Variants in C12orf43 observed in about 807,000 individuals in gnomAD.
C12orf43 encodes the protein chromosome 12 open reading frame 43, also known as protein CUSTOS.
A neutral mutation model predicts 20.6 loss-of-function variants in C12orf43; 15 were observed. The observed-to-expected ratio is 0.73, with a 90% CI of 0.49 to 1.12. C12orf43 has a LOEUF of 1.12. Ranked by LOEUF, C12orf43 falls within the 50% of genes most tolerant of loss-of-function variation. C12orf43 has a pLI of 0.00. For synonymous variants in C12orf43, 144 were observed against 130.8 expected (o/e 1.10, Z -0.69); for missense variants, 334 against 344.4 (o/e 0.97, Z 0.24).
intron 4 of C12orf43, 97 bp downstream of exon 4, chr12:121,006,215 CAAAAAAAGA>C (rs1878002372): frequency 6.4e-6 from 6 of 938,416 alleles, no homozygotes; most frequent in South Asian, 1.6e-5. Flanking sequence ...GTTCCTATCT[CAAAAAAAGA>C]AAAAAAAAAA....
At chr12:121,010,592 C>T (rs2264779) in intron 3 of C12orf43, among the ~76,000 whole-genome samples, 90,078 of 151,988 alleles carry the variant, frequency 0.59, 27,967 homozygotes, top group East Asian at 0.87. Flanking sequence ...ATGGTAGCTG[C>T]GATGATGATG....
At position 121,000,924 on chromosome 12, in the gene C12orf43, G is replaced by A. The variant is rs887416848; in HGVS notation, c.*3229C>T. ...TCCCTTTGAAGAACCGAGGGTAGAG[G>A]TGTGACTTTGGGGTTCCTGTTATCT... On this transcript the variant is annotated 3_prime_UTR_variant, in exon 6 of 6. Transcript: ENST00000288757. 3.4e-6 allele frequency: 4 copies of A among 1,182,854 alleles called. No individual in the cohort carries two copies. Among genetic ancestry groups the A allele is most frequent in the Non-Finnish European group, 4.9e-6 (4 of 815,028 alleles). 73.3% of individuals were successfully genotyped at this position (1,182,854 alleles called of 1,614,324 possible). A position where few individuals can be genotyped will look rare whatever the true frequency, so the allele number is the denominator to read the frequency against.
chr12:121,013,245 A>G (rs1868559777), intron 1 of C12orf43, among the ~76,000 whole-genome samples: 1 of 152,202 alleles, frequency 6.6e-6, no homozygotes. Flanking sequence ...TTTCGTCTTC[A>G]GCACATAATC....
At position 121,001,148 on chromosome 12, in the gene C12orf43, A is replaced by T; in HGVS notation, c.*3005T>A. The T allele has an allele frequency of 6.2e-7, 1 of 1,614,076 alleles. No individual in the cohort carries two copies. The highest frequency in any genetic ancestry group is 8.5e-7 in the Non-Finnish European group (1 of 1,179,996). ...CCTGCTGCCATCCAACCACAGCGTC[A>T]TCGAGACCTTCATCTCCACCCAGAT... On this transcript the variant is annotated 3_prime_UTR_variant, in exon 6 of 6. Coordinates refer to ENST00000288757, the MANE Select transcript of C12orf43 (RefSeq NM_022895.3).
intron 3 of C12orf43, among the ~76,000 whole-genome samples, chr12:121,007,704 A>G (rs1175381437): frequency 1.3e-5 from 2 of 152,216 alleles, no homozygotes; most frequent in African/African-American, 2.4e-5. Context: ...GCAGATGGAG[A>G]TGCCACTGTG....
intron 1 of C12orf43, chr12:121,012,659 T>C (rs1173536664): frequency 6.1e-6 from 3 of 493,694 alleles, no homozygotes; most frequent in African/African-American, 3.9e-5. Context: ...GAGACCATCC[T>C]GGTCAACATG....
At position 121,004,822 on chromosome 12, in the gene C12orf43, C is replaced by T. The variant is rs566174698; in HGVS notation, c.452+181G>A. 7.2e-5 allele frequency among the ~76,000 whole-genome samples: 11 copies of T among 152,306 alleles called. No individual in the cohort carries two copies. The highest frequency in any genetic ancestry group is 5.9e-4 in the Admixed American group (9 of 15,302). ...AAGACAGGTGCTCAAAAGCAGTAAA[C>T]ATCCAAAGCTGCCGCCAAGAGGGCT... is the stretch of plus-strand genomic sequence containing the variant. On this transcript the variant is annotated intron_variant, in intron 5 of 5. Coordinates refer to ENST00000288757, the MANE Select transcript of C12orf43 (RefSeq NM_022895.3). This position sits in a 1 kb window ranked among gnomAD's most constrained non-coding sequence, Gnocchi z 5.6.
Position 121,003,992 on chromosome 12 carries a change from G to T in C12orf43, c.*161C>A. On this transcript the variant is annotated 3_prime_UTR_variant, in exon 6 of 6. Coordinates refer to ENST00000288757, the MANE Select transcript of C12orf43 (RefSeq NM_022895.3). Reference sequence around the variant, plus strand: ...CAGCCACTTTTTTGGCCCAACTCTCGAGCAAGCCTTCATCACCATCAGGGT... The same window carrying T: ...CAGCCACTTTTTTGGCCCAACTCTCTAGCAAGCCTTCATCACCATCAGGGT... 1.2e-6 allele frequency: 1 copy of T among 800,318 alleles called. No homozygotes were observed. The highest frequency in any genetic ancestry group is 2.0e-6 in the Non-Finnish European group (1 of 489,072). The allele number at this position is 800,318 out of a possible 1,614,324, so 49.6% of individuals were successfully genotyped here. A position where few individuals can be genotyped will look rare whatever the true frequency, so the allele number is the denominator to read the frequency against.
rs1197138817 is a variant in C12orf43, at chr12:121,002,482, T to A, written c.*1671A>T. The A allele has an allele frequency of 3.9e-6, 2 of 518,584 alleles. No homozygotes were observed. The highest frequency in any genetic ancestry group is 8.4e-5 in the East Asian group (2 of 23,742). The allele number at this position is 518,584 out of a possible 1,614,324, so 32.1% of individuals were successfully genotyped here. A position where few individuals can be genotyped will look rare whatever the true frequency, so the allele number is the denominator to read the frequency against. On this transcript the variant is annotated 3_prime_UTR_variant, in exon 6 of 6. Coordinates refer to ENST00000288757, the MANE Select transcript of C12orf43 (RefSeq NM_022895.3). ...GGCGAGTGGCACGTTTATTTAACTT[T>A]TAGTAAAGTCAAGGAGAAATGCGGT...
rs1878432470 is a variant in C12orf43, at chr12:121,011,202, A to G, written c.146-56T>C. 28 of 1,488,836 alleles carry G rather than the reference A, an allele frequency of 1.9e-5. No individual in the cohort carries two copies. In the South Asian group the frequency reaches 3.2e-4, roughly 17 times the overall value. 92.2% of individuals were successfully genotyped at this position (1,488,836 alleles called of 1,614,324 possible). On this transcript the variant is annotated intron_variant, in intron 1 of 5. Transcript: ENST00000288757. ...AGAGGAAACAATGACAGCAACAACA[A>G]ATGCGTGCCAGGCACTATTTTCAGC...
At chr12:121,008,395 A>G (rs1418396704) in intron 3 of C12orf43, among the ~76,000 whole-genome samples, 1 of 152,208 alleles carries the variant, frequency 6.6e-6, no homozygotes, top group Non-Finnish European at 1.5e-5. Flanking sequence ...TCAGCCTCCC[A>G]AAGTGCTGGG....
intron 1 of C12orf43, among the ~76,000 whole-genome samples, chr12:121,015,437 G>A (rs905597951): frequency 2.0e-5 from 3 of 152,138 alleles, no homozygotes; most frequent in Non-Finnish European, 4.4e-5. Context: ...GGTGAAGCCC[G>A]GTTCTCTTCT....
Position 121,004,313 on chromosome 12 carries a change from G to A in C12orf43, c.629C>T (p.Thr210Ile). ...VASVDSAVAATTPTSMATVQK... is the reference protein window; with the variant it reads ...VASVDSAVAAITPTSMATVQK... ...GACTGTGGCCATGCTGGTGGGGGTG[G>A]TGGCAGCGACAGCCGAGTCGACACT... is the stretch of plus-strand genomic sequence containing the variant. Residue 210 changes from threonine to isoleucine, a missense_variant, in exon 6 of 6, where the codon ACC becomes ATC. By Grantham distance (89) the Thr-to-Ile change is moderately conservative. Transcript: ENST00000288757. The surrounding 1 kb of genome is among the most constrained non-coding windows in gnomAD (Gnocchi z 5.6). The A allele has an allele frequency of 6.2e-7, 1 of 1,614,134 alleles. No homozygotes were observed. Among genetic ancestry groups the A allele is most frequent in the Non-Finnish European group, 8.5e-7 (1 of 1,180,008 alleles).
chr12:121,004,984 G>A lies in C12orf43; in HGVS notation c.452+19C>T. ...AGGAGAAAAAAGGAGGGGACGTGAG[G>A]AGAGGTGTGAGTTCTCACCTGGAGC... On this transcript the variant is annotated intron_variant, in intron 5 of 5. Transcript: ENST00000288757. The surrounding 1 kb of genome is among the most constrained non-coding windows in gnomAD (Gnocchi z 5.6). 6.6e-7 allele frequency: 1 copy of A among 1,511,166 alleles called. No individual in the cohort carries two copies. Among genetic ancestry groups the A allele is most frequent in the Non-Finnish European group, 8.9e-7 (1 of 1,126,438 alleles). 93.6% of individuals were successfully genotyped at this position (1,511,166 alleles called of 1,614,324 possible). A position where few individuals can be genotyped will look rare whatever the true frequency, so the allele number is the denominator to read the frequency against.
At position 121,005,341 on chromosome 12, in the gene C12orf43, C is replaced by T. The variant is rs940740891; in HGVS notation, c.362-248G>A. Reference sequence around the variant, plus strand: ...AACAAAGGAGCAGAGTCAGCACCCCCAGATGCCAGCCCCTCCTCCCAGGTG... The same window carrying T: ...AACAAAGGAGCAGAGTCAGCACCCCTAGATGCCAGCCCCTCCTCCCAGGTG... On this transcript the variant is annotated intron_variant, in intron 4 of 5. Coordinates refer to ENST00000288757, the MANE Select transcript of C12orf43 (RefSeq NM_022895.3). This position sits in a 1 kb window ranked among gnomAD's most constrained non-coding sequence, Gnocchi z 5.6. 6.6e-6 allele frequency among the ~76,000 whole-genome samples: 1 copy of T among 152,164 alleles called. No homozygotes were observed. Among genetic ancestry groups the T allele is most frequent in the Admixed American group, 6.5e-5 (1 of 15,284 alleles).
chr12:121,004,974 G>T lies in C12orf43; in HGVS notation c.452+29C>A. The T allele has an allele frequency of 6.8e-7, 1 of 1,472,950 alleles. No homozygotes were observed. The highest frequency in any genetic ancestry group is 9.1e-7 in the Non-Finnish European group (1 of 1,099,190). 91.2% of individuals were successfully genotyped at this position (1,472,950 alleles called of 1,614,324 possible). A position where few individuals can be genotyped will look rare whatever the true frequency, so the allele number is the denominator to read the frequency against. The stretch of plus-strand genomic sequence containing the variant: ...AAGACAGAAGAGGAGAAAAAAGGAG[G>T]GGACGTGAGGAGAGGTGTGAGTTCT... On this transcript the variant is annotated intron_variant, in intron 5 of 5. Coordinates refer to ENST00000288757, the MANE Select transcript of C12orf43 (RefSeq NM_022895.3). This position sits in a 1 kb window ranked among gnomAD's most constrained non-coding sequence, Gnocchi z 5.6.
chr12:121,010,571 T>C (rs1878371299), intron 3 of C12orf43, among the ~76,000 whole-genome samples: 1 of 152,196 alleles, frequency 6.6e-6, no homozygotes, highest in Admixed American at 6.5e-5. Context: ...CCACAAACAG[T>C]TGCTCAGTAA....
Position 121,010,920 on chromosome 12 carries a change from C to A in C12orf43, c.195G>T (p.Lys65Asn). ...TGCCATCTTGTTCATGCTCATTCACCTTATGCCTACGACACACACAAAGAG... is the reference window on the plus strand; with the variant it reads ...TGCCATCTTGTTCATGCTCATTCACATTATGCCTACGACACACACAAAGAG... ...LSTSQPSLRHKVNEHEQDGNE... is the reference protein window; with the variant it reads ...LSTSQPSLRHNVNEHEQDGNE... Residue 65 changes from lysine to asparagine, a missense_variant, in exon 3 of 6, where the codon AAG becomes AAT. Coordinates refer to ENST00000288757, the MANE Select transcript of C12orf43 (RefSeq NM_022895.3). The A allele has an allele frequency of 6.2e-7, 1 of 1,614,166 alleles. No homozygotes were observed. Among genetic ancestry groups the A allele is most frequent in the Non-Finnish European group, 8.5e-7 (1 of 1,180,030 alleles).
At chr12:121,016,227 A>C in intron 1 of C12orf43, 103 bp downstream of exon 1, 1 of 1,564,032 alleles carries the variant, frequency 6.4e-7, no homozygotes, top group Non-Finnish European at 8.7e-7. Context: ...CTCTCGGGGA[A>C]GGAAGCCGAG....
Sources: allele counts gnomAD v4.1 joint callset (sites outside exome capture counted in the v4.1 genomes callset), GRCh38; gene constraint gnomAD v4.1.1; non-coding constraint Gnocchi (gnomAD v3.1); transcripts MANE v1.5; gene names NCBI Gene and HGNC (gene_info 2026-07-23, HGNC 2026-07-21).